Variants in WWOX observed in about 807,000 individuals in gnomAD.
WWOX encodes the protein WW domain containing oxidoreductase, also known as WW domain-containing oxidoreductase.
Under a neutral mutation model 46.2 loss-of-function variants are expected in WWOX, and 69 were observed. The ratio of observed to expected loss-of-function variants is 1.49; its 90% CI spans 1.23 to 1.82. The LOEUF (loss-of-function observed/expected upper bound fraction) is 1.82, where lower values mean the gene tolerates loss of function less well. Ranked by LOEUF, WWOX falls within the 40% of genes most tolerant of loss-of-function variation. The pLI, the probability that WWOX is intolerant of heterozygous loss-of-function variation, is 0.00. For missense variants in WWOX, 919 were observed against 542.6 expected, an observed-to-expected ratio of 1.69 and a Z score of -6.89; for synonymous variants, 359 against 202.6, an observed-to-expected ratio of 1.77 and a Z score of -6.56.
At chr16:78,317,611 T>A (rs1013963140) in intron 5 of WWOX, among the ~76,000 whole-genome samples, 18 of 152,114 alleles carry the variant, frequency 1.2e-4, no homozygotes, top group Admixed American at 1.1e-3. Context: ...GTGCACACAC[T>A]TGCGTAAAGT....
At chr16:79,143,749 C>T (rs920560762) in intron 8 of WWOX, among the ~76,000 whole-genome samples, 6 of 152,034 alleles carry the variant, frequency 3.9e-5, no homozygotes, top group African/African-American at 7.3e-5. Context: ...CTCTATGCGC[C>T]CATGGGAAAC....
intron 5 of WWOX, among the ~76,000 whole-genome samples, chr16:78,315,319 T>C (rs905797424): frequency 3.3e-5 from 5 of 152,178 alleles, no homozygotes; most frequent in Admixed American, 6.5e-5. Flanking sequence ...TTGTGCCCTT[T>C]AGAGGATAAC....
intron 8 of WWOX, among the ~76,000 whole-genome samples, chr16:78,587,497 A>G (rs751033567): frequency 2.0e-5 from 3 of 152,146 alleles, no homozygotes; most frequent in Non-Finnish European, 2.9e-5. Flanking sequence ...ATCTTTCAAG[A>G]TAAGTGTCTT....
chr16:78,832,362 C>A (rs773896378), intron 8 of WWOX, among the ~76,000 whole-genome samples: 1 of 152,132 alleles, frequency 6.6e-6, no homozygotes, highest in African/African-American at 2.4e-5. Context: ...GCCTTTTAAG[C>A]CCCATTCTTA....
At chr16:78,891,464 G>T (rs2044588765) in intron 8 of WWOX, 1 of 152,188 alleles carries the variant, frequency 6.6e-6, no homozygotes, top group Non-Finnish European at 1.5e-5. Flanking sequence ...ACCTGTAGAA[G>T]TGACTGGATG....
intron 8 of WWOX, among the ~76,000 whole-genome samples, chr16:78,520,391 G>A (rs895320942): frequency 1.3e-5 from 2 of 152,138 alleles, no homozygotes; most frequent in African/African-American, 2.4e-5. Flanking sequence ...TTCATGTCTC[G>A]AAGACTTCTG....
chr16:78,350,337 G>A (rs2081162020), intron 5 of WWOX, among the ~76,000 whole-genome samples: 2 of 121,496 alleles, frequency 1.6e-5, no homozygotes, highest in Admixed American at 1.6e-4. Flanking sequence ...GTACAATTCA[G>A]TGCTTTCAGT....
At chr16:78,567,901 C>A (rs1040992171) in intron 8 of WWOX, among the ~76,000 whole-genome samples, 1 of 152,130 alleles carries the variant, frequency 6.6e-6, no homozygotes, top group African/African-American at 2.4e-5. Context: ...GAAACAAGCA[C>A]CCTGCTGCCC....
chr16:79,208,920 G>T (rs1035819256), intron 8 of WWOX, among the ~76,000 whole-genome samples: 1 of 152,230 alleles, frequency 6.6e-6, no homozygotes, highest in Admixed American at 6.5e-5. Context: ...AGCAAGGGAG[G>T]AAAGTAGAGT....
At chr16:78,343,443 G>A (rs963058152) in intron 5 of WWOX, among the ~76,000 whole-genome samples, 2 of 120,678 alleles carry the variant, frequency 1.7e-5, no homozygotes, top group African/African-American at 5.6e-5. Flanking sequence ...ACCATTTTTG[G>A]TGGGACCTGA....
chr16:78,574,438 A>G lies in WWOX; in HGVS notation c.1056+141686A>G, dbSNP rs547627074. ...GTATCTTCTCTCCTCTTTGCTGCCA[A>G]ATAATGTCTCTGAAGACTGTAAGAC... is the stretch of plus-strand genomic sequence containing the variant. On this transcript the variant is annotated intron_variant, in intron 8 of 8. Transcript: ENST00000566780. Among the ~76,000 whole-genome samples the G allele has an allele frequency of 1.6e-3, 241 of 152,042 alleles. 1 individual carries two copies. Among genetic ancestry groups the G allele is most frequent in the African/African-American group, 5.4e-3 (222 of 41,476 alleles).
At chr16:78,997,394 G>A (rs1342659517) in intron 8 of WWOX, among the ~76,000 whole-genome samples, 1 of 152,106 alleles carries the variant, frequency 6.6e-6, no homozygotes, top group Non-Finnish European at 1.5e-5. Flanking sequence ...TCTTACCACG[G>A]TGACACGCAA....
intron 5 of WWOX, among the ~76,000 whole-genome samples, chr16:78,249,419 C>T (rs771769301): frequency 7.9e-5 from 12 of 152,222 alleles, no homozygotes; most frequent in Non-Finnish European, 1.5e-4. Flanking sequence ...TAGCTACCTC[C>T]AGTGCACGCC....
At chr16:78,452,166 A>G (rs2083705273) in intron 8 of WWOX, among the ~76,000 whole-genome samples, 1 of 152,222 alleles carries the variant, frequency 6.6e-6, no homozygotes, top group African/African-American at 2.4e-5. Context: ...ATACCAGGCC[A>G]AAAGTAACTT....
intron 8 of WWOX, among the ~76,000 whole-genome samples, chr16:79,071,504 CTG>C (rs1364329932): frequency 6.6e-6 from 1 of 152,156 alleles, no homozygotes; most frequent in Non-Finnish European, 1.5e-5. Flanking sequence ...AGTTTGAAAA[CTG>C]TTTTTATTGC....
At chr16:78,508,591 C>T (rs982328308) in intron 8 of WWOX, among the ~76,000 whole-genome samples, 1 of 152,126 alleles carries the variant, frequency 6.6e-6, no homozygotes, top group African/African-American at 2.4e-5. Context: ...CAGGTTTTGC[C>T]TGAGAAATTA....
chr16:78,143,752 G>T (rs79725809), intron 4 of WWOX, among the ~76,000 whole-genome samples: 5,442 of 120,150 alleles, frequency 0.045, 360 homozygotes, highest in African/African-American at 0.15. Flanking sequence ...GAATTGGTAT[G>T]TTTTTTTTTT....
intron 8 of WWOX, among the ~76,000 whole-genome samples, chr16:79,046,369 G>A (rs529057566): frequency 3.7e-4 from 56 of 152,266 alleles, no homozygotes; most frequent in African/African-American, 1.3e-3. Flanking sequence ...CCTGTATCCT[G>A]TTGTCTTTAT....
intron 5 of WWOX, among the ~76,000 whole-genome samples, chr16:78,318,429 A>C (rs1212726214): frequency 1.3e-5 from 2 of 152,050 alleles, no homozygotes; most frequent in Non-Finnish European, 2.9e-5. Context: ...ACAAGAGCGC[A>C]ATTCTGTCAA....
Sources: allele counts gnomAD v4.1 joint callset (sites outside exome capture counted in the v4.1 genomes callset), GRCh38; gene constraint gnomAD v4.1.1; transcripts MANE v1.5; gene names NCBI Gene and HGNC (gene_info 2026-07-23, HGNC 2026-07-21).